Variants in DDX42 observed in about 807,000 individuals in gnomAD.
DDX42 encodes ATP-dependent RNA helicase DDX42.
A neutral mutation model predicts 101.5 loss-of-function variants in DDX42; 22 were observed. The observed-to-expected ratio is 0.22, with a 90% confidence interval of 0.15 to 0.31. DDX42 has a LOEUF of 0.31. Ranked by LOEUF, DDX42 falls within the 10% of genes least tolerant of loss-of-function variation. DDX42 has a pLI of 1.00. For missense variants in DDX42, 849 were observed against 1,199.9 expected (o/e 0.71, Z 4.32); for synonymous variants, 402 against 401.2 (o/e 1.00, Z -0.02).
At chr17:63,811,750 G>A (rs1299574059) in intron 13 of DDX42, 182 bp from the exon 14 acceptor site, 2 of 725,142 alleles carry the variant, frequency 2.8e-6, no homozygotes, top group Non-Finnish European at 4.7e-6. Context: ...ACACCAGGTG[G>A]AGAGCAAGGT....
In DDX42 at chr17:63,806,589, G is replaced by C. The variant is rs2039843557; in HGVS notation, c.781G>C (p.Asp261His). The C allele has an allele frequency of 6.2e-7, 1 of 1,613,236 alleles. No individual in the cohort carries two copies. The highest frequency in any genetic ancestry group is 8.5e-7 in the Non-Finnish European group (1 of 1,179,766). The change falls in exon 8 of 18, where the codon GAC becomes CAC. Residue 261 changes from aspartate (D) to histidine (H), a missense_variant. By Grantham distance (81) the Asp-to-His change is moderately conservative (BLOSUM62 -1). This residue lies in a region of DDX42 where 370 missense variants were observed against 608.8 expected (regional missense o/e 0.61). Transcript: ENST00000389924. ...AAGTAGCTTTGCTCATTTTGGGTTT[G>C]ACGAACAACTTATGCACCAGATTCG... ...PGSSFAHFGFDEQLMHQIRKS... is the reference protein window; with the variant it reads ...PGSSFAHFGFHEQLMHQIRKS...
At chr17:63,789,359 C>T (rs1404205366) in intron 2 of DDX42, among the ~76,000 whole-genome samples, 2 of 151,744 alleles carry the variant, frequency 1.3e-5, no homozygotes, top group African/African-American at 4.8e-5. Context: ...AATTAAAGGC[C>T]TGAGCCACCA....
At chr17:63,797,654 A>G (rs1022903389) in intron 3 of DDX42, among the ~76,000 whole-genome samples, 4 of 152,308 alleles carry the variant, frequency 2.6e-5, no homozygotes, top group African/African-American at 4.8e-5. Flanking sequence ...ATTGAGAGCA[A>G]CCTTTCCAGA....
At chr17:63,816,537 A>G (rs1483024804) in intron 16 of DDX42, 1 of 183,312 alleles carries the variant, frequency 5.5e-6, no homozygotes, top group Admixed American at 6.2e-5. Context: ...GCAGTCACAC[A>G]ATATGCTATT....
rs1345859507 is a variant in DDX42 at position 63,808,926 on chromosome 17, C to A, written c.1130C>A (p.Ala377Glu). ...WEQAKALQEG[A>E]EIVVCTPGRL... is the part of the protein sequence containing the mutation. Reference sequence around the variant, plus strand: ...CAGGCCAAGGCCCTTCAGGAGGGGGCAGAGATTGTTGTGTGTACCCCAGTA... The same window carrying A: ...CAGGCCAAGGCCCTTCAGGAGGGGGAAGAGATTGTTGTGTGTACCCCAGTA... The change falls in exon 10 of 18, where the codon GCA (alanine) becomes GAA (glutamate). Residue 377 changes from alanine to glutamate, a missense_variant. By Grantham distance (107) the Ala-to-Glu change is moderately radical (BLOSUM62 -1). Around this residue, in one of 5 missense-constraint regions of DDX42, gnomAD observed 370 missense variants for 608.8 expected, o/e 0.61. Transcript: ENST00000389924. The A allele has an allele frequency of 6.2e-7, 1 of 1,613,856 alleles. No homozygotes were observed. Among genetic ancestry groups the A allele is most frequent in the Admixed American group, 1.7e-5 (1 of 60,006 alleles).
At chr17:63,815,004 G>A (rs1462959068) in intron 15 of DDX42, among the ~76,000 whole-genome samples, 1 of 152,188 alleles carries the variant, frequency 6.6e-6, no homozygotes, top group Non-Finnish European at 1.5e-5. Context: ...GAGAATGTGA[G>A]TAAATATGTT....
intron 11 of DDX42, 42 bp downstream of exon 11, chr17:63,809,701 ATAC>A: frequency 6.6e-7 from 1 of 1,517,160 alleles, no homozygotes; most frequent in Non-Finnish European, 9.1e-7. Flanking sequence ...CATCCTCATG[ATAC>A]TAGTTTTTTT....
chr17:63,793,084 G>T (rs1166867013), intron 3 of DDX42, among the ~76,000 whole-genome samples: 2 of 151,556 alleles, frequency 1.3e-5, no homozygotes, highest in African/African-American at 2.4e-5. Context: ...TTTTCTGTTT[G>T]TTTTTGTTTT....
At chr17:63,777,442 TTTTC>T (rs1161536762) in intron 1 of DDX42, among the ~76,000 whole-genome samples, 9 of 151,718 alleles carry the variant, frequency 5.9e-5, no homozygotes, top group South Asian at 2.1e-4. Context: ...TGCCATTTCT[TTTTC>T]TTTCTTTTTT....
At chr17:63,792,778 A>G (rs2039644480) in intron 3 of DDX42, among the ~76,000 whole-genome samples, 2 of 152,210 alleles carry the variant, frequency 1.3e-5, no homozygotes, top group South Asian at 2.1e-4. Flanking sequence ...ACTGTAACCC[A>G]TGAACATGGT....
chr17:63,792,323 G>T (rs1323985388), intron 2 of DDX42, 89 bp from the exon 3 acceptor site: 4 of 1,402,828 alleles, frequency 2.9e-6, no homozygotes, highest in Non-Finnish European at 3.9e-6. Flanking sequence ...CTAATAATAA[G>T]ATATACCATA....
At chr17:63,794,815 A>T (rs56942154) in intron 3 of DDX42, among the ~76,000 whole-genome samples, 5,004 of 151,836 alleles carry the variant, frequency 0.033, 270 homozygotes, top group African/African-American at 0.11. Context: ...GCATGCCTGT[A>T]ATTCCTGCTA....
intron 6 of DDX42, among the ~76,000 whole-genome samples, chr17:63,804,223 T>C (rs1048086742): frequency 6.6e-6 from 1 of 151,616 alleles, no homozygotes; most frequent in Non-Finnish European, 1.5e-5. Context: ...GGCAGGAGAA[T>C]CACTTGAGCC....
intron 3 of DDX42, among the ~76,000 whole-genome samples, chr17:63,797,122 G>A (rs545823384): frequency 6.6e-6 from 1 of 151,956 alleles, no homozygotes; most frequent in South Asian, 2.1e-4. Context: ...TAGGCCGGGC[G>A]CGGTGGATCA....
intron 3 of DDX42, among the ~76,000 whole-genome samples, chr17:63,797,479 A>G (rs1375373974): frequency 6.6e-6 from 1 of 152,000 alleles, no homozygotes; most frequent in African/African-American, 2.4e-5. Context: ...GACTACTGTC[A>G]TTTGGCGCTG....
At chr17:63,781,634 C>T (rs909697939) in intron 1 of DDX42, among the ~76,000 whole-genome samples, 7 of 152,152 alleles carry the variant, frequency 4.6e-5, no homozygotes, top group Non-Finnish European at 8.8e-5. Flanking sequence ...CTTTCTTTCC[C>T]TTCCCCAATC....
chr17:63,775,751 C>G (rs542298781), intron 1 of DDX42, among the ~76,000 whole-genome samples: 22 of 152,154 alleles, frequency 1.4e-4, no homozygotes, highest in African/African-American at 5.3e-4. Flanking sequence ...AGGGAGTGAG[C>G]GGAACAACCA....
chr17:63,807,595 A>G lies in DDX42; in HGVS notation c.847-129A>G, dbSNP rs1046036090. On this transcript the variant is annotated intron_variant, in intron 8 of 17. Transcript: ENST00000389924. ...TATTTCTATTTCACAACCAGTATGCATAGCACCAGGTATGTTTTGTTCCAT... is the reference window on the plus strand; with the variant it reads ...TATTTCTATTTCACAACCAGTATGCGTAGCACCAGGTATGTTTTGTTCCAT... 2.2e-5 allele frequency: 17 copies of G among 781,142 alleles called. No individual in the cohort carries two copies. In the East Asian group the frequency reaches 4.2e-4, roughly 19 times the overall value. The allele number at this position is 781,142 out of a possible 1,614,324, so 48.4% of individuals were successfully genotyped here. A position where few individuals can be genotyped will look rare whatever the true frequency, so the allele number is the denominator to read the frequency against.
rs1342354662 is a variant in DDX42 at position 63,810,274 on chromosome 17, G to C, written c.1253-239G>C. 11 of 96,728 alleles carry C rather than the reference G, an allele frequency of 1.1e-4. No individual in the cohort carries two copies. In the South Asian group the frequency reaches 5.3e-3, roughly 47 times the overall value. The allele number at this position is 96,728 out of a possible 1,614,324, so 6.0% of individuals were successfully genotyped here. On this transcript the variant is annotated intron_variant, in intron 11 of 17. Transcript: ENST00000389924. The stretch of plus-strand genomic sequence containing the variant: ...CTATTTTTTTTTTTTTTTTTTTTTG[G>C]TATTTTTAGTAGAGATAGCTGTGTT...
Sources: allele counts gnomAD v4.1 joint callset (sites outside exome capture counted in the v4.1 genomes callset), GRCh38; gene constraint gnomAD v4.1.1; regional missense constraint gnomAD v4.1.1; transcripts MANE v1.5; gene names NCBI Gene and HGNC (gene_info 2026-07-23, HGNC 2026-07-21).